Variants in DOCK8 observed in about 807,000 individuals in gnomAD.
DOCK8 encodes dedicator of cytokinesis 8, also known as dedicator of cytokinesis protein 8.
A neutral mutation model predicts 245.6 loss-of-function variants in DOCK8; 141 were observed. The observed-to-expected ratio is 0.57, with a 90% CI of 0.50 to 0.66. DOCK8 has a LOEUF of 0.66. DOCK8 is among the 30% of genes least tolerant of loss of function. The pLI is 0.00. For synonymous variants in DOCK8, 1,168 were observed against 970.2 expected, an observed-to-expected ratio of 1.20 and a Z score of -3.79; for missense variants, 2,965 against 2,603.4, an observed-to-expected ratio of 1.14 and a Z score of -3.02.
Position 328,179 on chromosome 9 carries a change from A to G in DOCK8, c.1044+8A>G, listed in dbSNP as rs1332772163. On this transcript the variant is annotated splice_region_variant and intron_variant, in intron 9 of 47. Transcript: ENST00000432829. ...ATCTACCTGGTAGTCAAGGTAATTC[A>G]GTACGATCTGATTTGCCCAATCTGA... is the stretch of plus-strand genomic sequence containing the variant. The G allele has an allele frequency of 6.2e-7, 1 of 1,612,180 alleles. No individual in the cohort carries two copies. The highest frequency in any genetic ancestry group is 2.2e-5 in the East Asian group (1 of 44,752).
At chr9:259,593 A>G (rs773609347) in intron 1 of DOCK8, among the ~76,000 whole-genome samples, 1 of 152,198 alleles carries the variant, frequency 6.6e-6, no homozygotes. Context: ...GTGTGGATTC[A>G]CTGAGGTGCT....
chr9:222,370 C>T (rs1228432575), intron 1 of DOCK8, among the ~76,000 whole-genome samples: 1 of 152,080 alleles, frequency 6.6e-6, no homozygotes, highest in African/African-American at 2.4e-5. Context: ...CTAGTGCAAA[C>T]ACCTCCTTAC....
rs1192065366 is a variant in DOCK8 at position 377,019 on chromosome 9, G to A, written c.2248G>A (p.Glu750Lys). 1 of 1,613,934 alleles carries A rather than the reference G, an allele frequency of 6.2e-7. No individual in the cohort carries two copies. The highest frequency in any genetic ancestry group is 2.2e-5 in the East Asian group (1 of 44,894). ...GTTCTTCACCCTCTGCCACTCCCTG[G>A]AGAGCCAGGTGACCTTCCCCATCCG... The part of the protein sequence containing the change: ...EKFFTLCHSL[E>K]SQVTFPIRVL... The change falls in exon 20 of 48, where the codon GAG (glutamate) becomes AAG (lysine). Residue 750 changes from glutamate (E) to lysine (K), a missense_variant. This residue lies in a region of DOCK8 where 2,825 missense variants were observed against 2,453.5 expected (regional missense o/e 1.15). Transcript: ENST00000432829.
intron 2 of DOCK8, among the ~76,000 whole-genome samples, chr9:285,331 A>T (rs2048774004): frequency 6.6e-6 from 1 of 152,188 alleles, no homozygotes; most frequent in African/African-American, 2.4e-5. Flanking sequence ...TTTCAAAGCG[A>T]TGAAAAACTG....
chr9:458,846 G>GT (rs1462494687), intron 46 of DOCK8, among the ~76,000 whole-genome samples: 1 of 151,664 alleles, frequency 6.6e-6, no homozygotes, highest in Non-Finnish European at 1.5e-5. Flanking sequence ...TGCAGGGGGG[G>GT]TGAGGGCAGC....
chr9:428,316 T>C (rs1382904522), intron 34 of DOCK8, 46 bp from the exon 35 acceptor site: 13 of 1,613,364 alleles, frequency 8.1e-6, no homozygotes, highest in African/African-American at 1.3e-5. Context: ...TCCAGTTCAT[T>C]GGCACAGTGC....
chr9:361,571 G>A (rs2052732108), intron 14 of DOCK8, among the ~76,000 whole-genome samples: 1 of 152,060 alleles, frequency 6.6e-6, no homozygotes, highest in Non-Finnish European at 1.5e-5. Context: ...TTTTTTTGAA[G>A]GACATTTCCA....
chr9:326,084 G>C (rs1051734110), intron 8 of DOCK8, among the ~76,000 whole-genome samples: 21 of 152,164 alleles, frequency 1.4e-4, no homozygotes, highest in African/African-American at 4.6e-4. Flanking sequence ...AGAGTTCTTT[G>C]CACTGTGAAA....
chr9:325,784 A>C lies in DOCK8; in HGVS notation c.894+47A>C, dbSNP rs369700857. On this transcript the variant is annotated intron_variant, in intron 8 of 47. Coordinates refer to ENST00000432829, the MANE Select transcript of DOCK8 (RefSeq NM_203447.4). ...CATCCCTAAGGCACATATATTGTTCATGATTCTTTGCATGTATGTTTTTAA... is the reference window on the plus strand; with the variant it reads ...CATCCCTAAGGCACATATATTGTTCCTGATTCTTTGCATGTATGTTTTTAA... The C allele has an allele frequency of 2.9e-5, 44 of 1,498,820 alleles. 1 individual carries two copies. In the South Asian group the frequency reaches 4.0e-4, roughly 14 times the overall value. The allele number at this position is 1,498,820 out of a possible 1,614,324, so 92.8% of individuals were successfully genotyped here.
At chr9:238,376 C>T (rs905042251) in intron 1 of DOCK8, among the ~76,000 whole-genome samples, 1 of 152,290 alleles carries the variant, frequency 6.6e-6, no homozygotes, top group East Asian at 1.9e-4. Context: ...ATAAGTACCA[C>T]GTTTCTGAGG....
chr9:220,050 G>C (rs1480497107), intron 1 of DOCK8, among the ~76,000 whole-genome samples: 1 of 152,236 alleles, frequency 6.6e-6, no homozygotes. Flanking sequence ...TGTATCTGCA[G>C]TGAGAGCAGA....
chr9:248,787 G>A (rs1156777037), intron 1 of DOCK8, among the ~76,000 whole-genome samples: 2 of 152,168 alleles, frequency 1.3e-5, no homozygotes, highest in African/African-American at 4.8e-5. Context: ...AGATTCAGTT[G>A]CATTTTTGCT....
chr9:400,952 A>ACCACCACCACCACCT lies in DOCK8; in HGVS notation c.3234+1696_3234+1710dup, dbSNP rs1564016722. 3.4e-4 allele frequency among the ~76,000 whole-genome samples: 23 copies of ACCACCACCACCACCT among 67,470 alleles called. 2 individuals are homozygous for ACCACCACCACCACCT. The highest frequency in any genetic ancestry group is 1.4e-3 in the South Asian group (2 of 1,428). 44.3% of individuals were successfully genotyped at this position (67,470 alleles called of 152,430 possible). On this transcript the variant is annotated intron_variant, in intron 26 of 47. Coordinates refer to ENST00000432829, the MANE Select transcript of DOCK8 (RefSeq NM_203447.4). Reference sequence around the variant, plus strand: ...CACAACATCCACCACCACCATCACCACCACCACCACCACCTCCTCCACCAT... The same window carrying ACCACCACCACCACCT: ...CACAACATCCACCACCACCATCACCACCACCACCACCACCTCCACCACCACCACCTCCTCCACCAT...
At chr9:344,829 C>G (rs532936404) in intron 14 of DOCK8, among the ~76,000 whole-genome samples, 2 of 152,104 alleles carry the variant, frequency 1.3e-5, no homozygotes, top group African/African-American at 4.8e-5. Context: ...AGGTGAATCA[C>G]CTGAGTGAGG....
intron 4 of DOCK8, among the ~76,000 whole-genome samples, chr9:299,397 G>C (rs148826701): frequency 1.5e-3 from 231 of 152,230 alleles, no homozygotes; most frequent in African/African-American, 5.4e-3. Flanking sequence ...AAGTAGCTGA[G>C]ACTACAGGCA....
intron 14 of DOCK8, among the ~76,000 whole-genome samples, chr9:351,795 A>G (rs1042156331): frequency 6.6e-6 from 1 of 152,240 alleles, no homozygotes; most frequent in Non-Finnish European, 1.5e-5. Flanking sequence ...TCATGGCAAC[A>G]GTCTTCCCTA....
chr9:229,278 C>G (rs138596713), intron 1 of DOCK8, among the ~76,000 whole-genome samples: 172 of 152,296 alleles, frequency 1.1e-3, no homozygotes, highest in African/African-American at 3.9e-3. Context: ...CTACGTATAT[C>G]ACAATACCCA....
chr9:282,648 T>A (rs1411889129), intron 2 of DOCK8, among the ~76,000 whole-genome samples: 1 of 151,986 alleles, frequency 6.6e-6, no homozygotes, highest in Non-Finnish European at 1.5e-5. Flanking sequence ...GGTCTCATAC[T>A]CCTGGCTCAA....
intron 7 of DOCK8, 128 bp from the exon 8 acceptor site, chr9:325,543 C>G (rs1334241001): frequency 1.3e-6 from 1 of 797,434 alleles, no homozygotes; most frequent in Non-Finnish European, 2.2e-6. Flanking sequence ...TTCTCATATA[C>G]TTGGAGTTTT....
Sources: gnomAD v4.1 joint callset for allele counts (sites outside exome capture counted in the v4.1 genomes callset) on GRCh38, gnomAD v4.1.1 for gene constraint, gnomAD v4.1.1 regional missense constraint, MANE v1.5 for transcripts, NCBI Gene and HGNC (gene_info 2026-07-23, HGNC 2026-07-21) for gene names.